The following CATSPERE variants were observed in gnomAD, a reference collection of about 807,000 sequenced individuals.
The protein encoded by CATSPERE is cation channel sperm-associated auxiliary subunit epsilon.
In CATSPERE, 93 loss-of-function variants were observed where a neutral mutation model predicts 114.1. The ratio of observed to expected loss-of-function variants is 0.81; its 90% CI spans 0.69 to 0.97. CATSPERE has a LOEUF of 0.97. CATSPERE is among the 50% of genes least tolerant of loss of function. The pLI is 0.00. For missense variants in CATSPERE, 1,058 were observed against 1,131.6 expected (o/e 0.93, Z 0.93); for synonymous variants, 341 against 384.1 (o/e 0.89, Z 1.31).
At chr1:244,603,662 A>T (rs1669577976) in intron 17 of CATSPERE, among the ~76,000 whole-genome samples, 1 of 147,280 alleles carries the variant, frequency 6.8e-6, no homozygotes, top group East Asian at 2.0e-4. Flanking sequence ...TTCAATTAAG[A>T]TTTTTTTTTT....
intron 10 of CATSPERE, among the ~76,000 whole-genome samples, chr1:244,561,510 A>T (rs575879081): frequency 6.6e-6 from 1 of 152,248 alleles, no homozygotes; most frequent in East Asian, 1.9e-4. Context: ...AAACAACATA[A>T]ATGTATGACT....
intron 20 of CATSPERE, among the ~76,000 whole-genome samples, chr1:244,632,986 A>G (rs771425549): frequency 2.0e-5 from 3 of 152,224 alleles, no homozygotes; most frequent in Non-Finnish European, 4.4e-5. Context: ...AGAAAGCCAG[A>G]TTGGCCATAT....
chr1:244,608,783 A>T (rs1670339627), intron 18 of CATSPERE, among the ~76,000 whole-genome samples: 1 of 151,612 alleles, frequency 6.6e-6, no homozygotes, highest in African/African-American at 2.4e-5. Context: ...GCCAATATCG[A>T]TTTCTCTGTA....
chr1:244,456,238 C>G (rs1290242158), intron 1 of CATSPERE, among the ~76,000 whole-genome samples: 1 of 152,056 alleles, frequency 6.6e-6, no homozygotes, highest in Non-Finnish European at 1.5e-5. Context: ...GATCCAGGAT[C>G]CAGTGTAAAG....
At chr1:244,463,433 G>A (rs937343723) in intron 1 of CATSPERE, among the ~76,000 whole-genome samples, 2 of 151,904 alleles carry the variant, frequency 1.3e-5, no homozygotes, top group East Asian at 1.9e-4. Flanking sequence ...CCAGCTATTC[G>A]GGAGGCTGAG....
At chr1:244,562,281 G>T (rs1662691168) in intron 10 of CATSPERE, among the ~76,000 whole-genome samples, 1 of 151,748 alleles carries the variant, frequency 6.6e-6, no homozygotes. Flanking sequence ...CATTTTAACT[G>T]CTGTGTATTG....
intron 5 of CATSPERE, among the ~76,000 whole-genome samples, chr1:244,487,892 T>C (rs1004644899): frequency 2.6e-5 from 4 of 152,188 alleles, no homozygotes; most frequent in Non-Finnish European, 4.4e-5. Context: ...AAGATAAATT[T>C]GTTAACAATT....
At chr1:244,586,599 C>G (rs6672251) in intron 13 of CATSPERE, among the ~76,000 whole-genome samples, 26,808 of 152,064 alleles carry the variant, frequency 0.18, 3,309 homozygotes, top group East Asian at 0.39. Flanking sequence ...AAATGAAGAC[C>G]AAAAGGTCTT....
chr1:244,525,159 A>AT (rs1469318488), intron 8 of CATSPERE, among the ~76,000 whole-genome samples: 1 of 150,728 alleles, frequency 6.6e-6, no homozygotes, highest in Non-Finnish European at 1.5e-5. Flanking sequence ...TTATGCAGCC[A>AT]TAAAAAATGA....
intron 5 of CATSPERE, among the ~76,000 whole-genome samples, chr1:244,489,450 ATT>A (rs10524749): frequency 1.3e-4 from 11 of 85,538 alleles, no homozygotes; most frequent in African/African-American, 2.7e-4. Context: ...AAGCATGCAG[ATT>A]TTTTTTTTTT....
chr1:244,611,521 G>A (rs12132549), intron 19 of CATSPERE, among the ~76,000 whole-genome samples: 25,667 of 151,822 alleles, frequency 0.17, 2,270 homozygotes, highest in East Asian at 0.29. Flanking sequence ...CTTGAGCCCC[G>A]ACAGCTGAGG....
chr1:244,588,531 A>C lies in CATSPERE; in HGVS notation c.2135A>C (p.Lys712Thr), dbSNP rs1227531931. 2 of 1,605,732 alleles carry C rather than the reference A, an allele frequency of 1.2e-6. No homozygotes were observed. Among genetic ancestry groups the C allele is most frequent in the Admixed American group, 3.3e-5 (2 of 60,004 alleles). ...GCDDKKFIAIKGFSKKGCHHH... is the reference protein window; with the variant it reads ...GCDDKKFIAITGFSKKGCHHH... ...GATGATAAAAAATTCATTGCAATTAAAGGGTAAGTATATTTCCATTTGACC... is the reference window on the plus strand; with the variant it reads ...GATGATAAAAAATTCATTGCAATTACAGGGTAAGTATATTTCCATTTGACC... The change falls in exon 14 of 22, where the codon AAA (lysine) becomes ACA (threonine). Residue 712 changes from lysine (K) to threonine (T), a missense_variant. Transcript: ENST00000366534.
Position 244,518,700 on chromosome 1 carries a change from T to C in CATSPERE, c.536+2T>C. 7.0e-7 allele frequency: 1 copy of C among 1,431,692 alleles called. No individual in the cohort carries two copies. The highest frequency in any genetic ancestry group is 9.5e-7 in the Non-Finnish European group (1 of 1,050,180). The allele number at this position is 1,431,692 out of a possible 1,614,324, so 88.7% of individuals were successfully genotyped here. A position where few individuals can be genotyped will look rare whatever the true frequency, so the allele number is the denominator to read the frequency against. On this transcript the variant is annotated splice_donor_variant, in intron 8 of 21. Coordinates refer to ENST00000366534, the MANE Select transcript of CATSPERE (RefSeq NM_001130957.2). LOFTEE classifies it high-confidence loss of function. The stretch of plus-strand genomic sequence containing the variant: ...TTCAAATGAGAAAATGAGAAGGGGG[T>C]ATTTAATTTTTTTTAATTTTAAATA...
intron 8 of CATSPERE, among the ~76,000 whole-genome samples, chr1:244,534,931 C>G (rs1190510701): frequency 1.7e-4 from 26 of 152,050 alleles, no homozygotes; most frequent in Non-Finnish European, 4.4e-5. Flanking sequence ...TCCAGGTATT[C>G]TAAGGGACTT....
At chr1:244,580,924 C>G (rs1023042623) in intron 11 of CATSPERE, among the ~76,000 whole-genome samples, 1 of 152,080 alleles carries the variant, frequency 6.6e-6, no homozygotes, top group Admixed American at 6.6e-5. Flanking sequence ...TCGCTTGAAC[C>G]TGGGAGGTGG....
chr1:244,595,955 C>T (rs978627921), intron 17 of CATSPERE, among the ~76,000 whole-genome samples: 3 of 152,018 alleles, frequency 2.0e-5, no homozygotes, highest in South Asian at 2.1e-4. Flanking sequence ...AAAAAATTTG[C>T]TTTAGCTAGT....
intron 9 of CATSPERE, among the ~76,000 whole-genome samples, chr1:244,560,269 G>A (rs531521565): frequency 6.6e-6 from 1 of 152,202 alleles, no homozygotes; most frequent in South Asian, 2.1e-4. Context: ...GGGATTATAG[G>A]CATGAAACCA....
intron 10 of CATSPERE, among the ~76,000 whole-genome samples, chr1:244,571,828 C>T (rs1038908069): frequency 4.6e-5 from 7 of 152,058 alleles, no homozygotes; most frequent in South Asian, 2.1e-4. Flanking sequence ...TCTGTGTGTC[C>T]GGAGAGATCC....
At chr1:244,574,260 C>T (rs1204430857) in intron 11 of CATSPERE, among the ~76,000 whole-genome samples, 2 of 152,090 alleles carry the variant, frequency 1.3e-5, no homozygotes, top group African/African-American at 4.8e-5. Context: ...TGGAACATGC[C>T]TGTGAGCACG....
Sources: gnomAD v4.1 joint callset for allele counts (sites outside exome capture counted in the v4.1 genomes callset) on GRCh38, gnomAD v4.1.1 for gene constraint, MANE v1.5 for transcripts, NCBI Gene and HGNC (gene_info 2026-07-23, HGNC 2026-07-21) for gene names.